The following SLC35A5 variants were observed in gnomAD, a reference collection of about 807,000 sequenced individuals.
The protein encoded by SLC35A5 is UDP-sugar transporter protein SLC35A5.
SLC35A5 carries 28 observed loss-of-function variants against 36.3 expected under a neutral mutation model. The observed-to-expected ratio is 0.77, with a 90% confidence interval of 0.57 to 1.06. The LOEUF is 1.06. Among genes scored for constraint, SLC35A5 ranks in the 50% least tolerant of loss-of-function variants. SLC35A5 has a pLI of 0.00. For missense variants in SLC35A5, 521 were observed against 499.3 expected (o/e 1.04, Z -0.41); for synonymous variants, 180 against 173.7 (o/e 1.04, Z -0.29).
chr3:112,585,473 A>T lies in SLC35A5; in HGVS notation c.*2737A>T, dbSNP rs1256513086. On this transcript the variant is annotated 3_prime_UTR_variant, in exon 7 of 7. Coordinates refer to ENST00000492406, the MANE Select transcript of SLC35A5 (RefSeq NM_017945.5). ...TGTTCACTGTTTGAGTGATGGGTCC[A>T]CTAGAAGCCCAAACTTCACCATTAT... is the stretch of plus-strand genomic sequence containing the variant. 2 of 152,178 alleles carry T rather than the reference A, an allele frequency of 1.3e-5. No homozygotes were observed. Among genetic ancestry groups the T allele is most frequent in the East Asian group, 3.9e-4 (2 of 5,194 alleles). The allele number at this position is 152,178 out of a possible 1,614,324, so 9.4% of individuals were successfully genotyped here.
Position 112,580,993 on chromosome 3 carries a change from G to A in SLC35A5, c.876G>A (p.Gln292=), listed in dbSNP as rs1004194174. The A allele has an allele frequency of 8.7e-6, 14 of 1,614,024 alleles. No individual in the cohort carries two copies. The highest frequency in any genetic ancestry group is 1.2e-5 in the Non-Finnish European group (14 of 1,179,996). The part of the protein sequence containing the change: ...TLGLQRSNRD[Q]IKNCGFFYGH... ...GCCTTCAGAGGAGTAACCGTGATCA[G>A]ATTAAGAACTGTGGATTTTTTTATG... The change falls in exon 6 of 7, where the codon CAG becomes CAA. Residue 292 remains glutamine, a synonymous_variant. Transcript: ENST00000492406.
In SLC35A5 at chr3:112,569,488, T is replaced by C. The variant is rs112729622; in HGVS notation, c.229+219T>C. 5.3e-3 allele frequency among the ~76,000 whole-genome samples: 813 copies of C among 152,374 alleles called. 10 individuals carry two copies. The highest frequency in any genetic ancestry group is 0.019 in the African/African-American group (793 of 41,596). On this transcript the variant is annotated intron_variant, in intron 3 of 6. Transcript: ENST00000492406. ...GGGGAGGAGCTGGGACACCAACTCA[T>C]GTTTCCTAATGCCCTTCCTATTACT...
At chr3:112,567,746 ATGT>A (rs1481236358) in intron 2 of SLC35A5, among the ~76,000 whole-genome samples, 4 of 152,232 alleles carry the variant, frequency 2.6e-5, no homozygotes, top group African/African-American at 9.6e-5. Flanking sequence ...ATCACATACC[ATGT>A]TGTCATATGG....
rs921856226 is a variant in SLC35A5 at position 112,562,380 on chromosome 3, G to C, written c.-20+107G>C. The C allele has an allele frequency of 1.3e-5, 2 of 152,334 alleles. 1 individual carries two copies. The highest frequency in any genetic ancestry group is 4.1e-4 in the South Asian group (2 of 4,838). The allele number at this position is 152,334 out of a possible 1,614,324, so 9.4% of individuals were successfully genotyped here. ...GACTAGAAGGGTAGTCCCTGACTGTGAAGGGAAATCTGGCCCCCTCCTGTC... is the reference window on the plus strand; with the variant it reads ...GACTAGAAGGGTAGTCCCTGACTGTCAAGGGAAATCTGGCCCCCTCCTGTC... On this transcript the variant is annotated intron_variant, in intron 1 of 6. Transcript: ENST00000492406.
chr3:112,579,906 CAA>C (rs1197040881), intron 5 of SLC35A5, among the ~76,000 whole-genome samples: 1 of 152,202 alleles, frequency 6.6e-6, no homozygotes, highest in Non-Finnish European at 1.5e-5. Flanking sequence ...TTATTTCTCA[CAA>C]GTTTGTTGCT....
intron 4 of SLC35A5, among the ~76,000 whole-genome samples, chr3:112,573,427 C>T (rs1055900927): frequency 6.6e-6 from 1 of 152,132 alleles, no homozygotes; most frequent in Non-Finnish European, 1.5e-5. Context: ...TACTGCAGTT[C>T]AACCAGGAAA....
Position 112,583,381 on chromosome 3 carries a change from A to C in SLC35A5, c.*645A>C. On this transcript the variant is annotated 3_prime_UTR_variant, in exon 7 of 7. Transcript: ENST00000492406. The stretch of plus-strand genomic sequence containing the variant: ...TCATGGGAAATTGGATTTTTGTAAT[A>C]ATCTTTTGATGTTTTAAACATTGGT... 1 of 360,532 alleles carries C rather than the reference A, an allele frequency of 2.8e-6. No homozygotes were observed. Among genetic ancestry groups the C allele is most frequent in the Non-Finnish European group, 4.9e-6 (1 of 202,082 alleles). The allele number at this position is 360,532 out of a possible 1,614,324, so 22.3% of individuals were successfully genotyped here.
Position 112,580,995 on chromosome 3 carries a change from T to C in SLC35A5, c.878T>C (p.Ile293Thr), listed in dbSNP as rs369157029. Reference sequence around the variant, plus strand: ...CTTCAGAGGAGTAACCGTGATCAGATTAAGAACTGTGGATTTTTTTATGGC... The same window carrying C: ...CTTCAGAGGAGTAACCGTGATCAGACTAAGAACTGTGGATTTTTTTATGGC... ...LGLQRSNRDQ[I>T]KNCGFFYGHS... Residue 293 changes from isoleucine to threonine, a missense_variant, in exon 6 of 7, where the codon ATT becomes ACT. Physicochemically the swap from Ile to Thr is moderately conservative, Grantham distance 89. Transcript: ENST00000492406. The C allele has an allele frequency of 2.5e-6, 4 of 1,614,038 alleles. No homozygotes were observed. The African/African-American group carries it at 5.3e-5, about 22-fold the overall frequency.
intron 2 of SLC35A5, among the ~76,000 whole-genome samples, chr3:112,564,740 G>A (rs1484772375): frequency 6.6e-6 from 1 of 152,044 alleles, no homozygotes; most frequent in Non-Finnish European, 1.5e-5. Context: ...GGCAGAGGTC[G>A]CTGCGGCTTT....
chr3:112,571,766 T>C (rs1420527953), intron 4 of SLC35A5, among the ~76,000 whole-genome samples: 2 of 152,100 alleles, frequency 1.3e-5, no homozygotes, highest in African/African-American at 4.8e-5. Context: ...CTCAGTACCA[T>C]GAGAACAGTA....
chr3:112,574,378 TGAG>T (rs1403022388), intron 5 of SLC35A5, among the ~76,000 whole-genome samples: 1 of 149,740 alleles, frequency 6.7e-6, no homozygotes, highest in Admixed American at 6.6e-5. Context: ...CTATTTGAGA[TGAG>T]GACGTGATTT....
chr3:112,569,139 T>C (rs368071452), intron 2 of SLC35A5, 32 bp from the exon 3 acceptor site: 12 of 1,521,066 alleles, frequency 7.9e-6, no homozygotes, highest in African/African-American at 2.7e-5. Flanking sequence ...GAATAAAATA[T>C]ATAGTTAAAA....
At chr3:112,577,756 G>A (rs539680430) in intron 5 of SLC35A5, among the ~76,000 whole-genome samples, 1 of 152,314 alleles carries the variant, frequency 6.6e-6, no homozygotes, top group African/African-American at 2.4e-5. Flanking sequence ...TGAAACAGCA[G>A]AAGAACAAAG....
intron 5 of SLC35A5, among the ~76,000 whole-genome samples, chr3:112,577,525 A>G (rs1198491897): frequency 6.6e-6 from 1 of 152,212 alleles, no homozygotes; most frequent in East Asian, 1.9e-4. Flanking sequence ...ACCTAAGCAA[A>G]GTTGCACAAT....
At position 112,583,103 on chromosome 3, in the gene SLC35A5, A is replaced by G; in HGVS notation, c.*367A>G. The G allele has an allele frequency of 2.5e-6, 1 of 400,332 alleles. No individual in the cohort carries two copies. The allele number at this position is 400,332 out of a possible 1,614,324, so 24.8% of individuals were successfully genotyped here. On this transcript the variant is annotated 3_prime_UTR_variant, in exon 7 of 7. Transcript: ENST00000492406. Reference sequence around the variant, plus strand: ...ATCAATTTGCCAAATATTCACAATCATGTAGTTCTAGTTTACATGCCAAAG... The same window carrying G: ...ATCAATTTGCCAAATATTCACAATCGTGTAGTTCTAGTTTACATGCCAAAG...
chr3:112,563,811 T>C (rs970717112), intron 2 of SLC35A5, among the ~76,000 whole-genome samples: 1 of 152,248 alleles, frequency 6.6e-6, no homozygotes, highest in Non-Finnish European at 1.5e-5. Flanking sequence ...CAGGTGTTTC[T>C]GGACCTATAG....
chr3:112,563,588 C>T (rs1375628884), intron 2 of SLC35A5, 55 bp downstream of exon 2: 1 of 1,481,716 alleles, frequency 6.7e-7, no homozygotes, highest in Non-Finnish European at 9.1e-7. Context: ...ACACATCTCT[C>T]TCTTGCCTTT....
chr3:112,582,567 A>G lies in SLC35A5; in HGVS notation c.1210-104A>G, dbSNP rs559256198. ...TATTTAATTTGACCAGATTATATCT[A>G]TAGCTTAATGAGGTAAGACCAGTGA... is the stretch of plus-strand genomic sequence containing the variant. On this transcript the variant is annotated intron_variant, in intron 6 of 6. Transcript: ENST00000492406. 32 of 727,744 alleles carry G rather than the reference A, an allele frequency of 4.4e-5. No homozygotes were observed. The South Asian group carries it at 4.8e-4, about 11-fold the overall frequency. The allele number at this position is 727,744 out of a possible 1,614,324, so 45.1% of individuals were successfully genotyped here. A position where few individuals can be genotyped will look rare whatever the true frequency, so the allele number is the denominator to read the frequency against.
intron 2 of SLC35A5, among the ~76,000 whole-genome samples, chr3:112,567,627 A>G (rs955500395): frequency 6.6e-6 from 1 of 152,218 alleles, no homozygotes; most frequent in Admixed American, 6.5e-5. Context: ...TTTAAAGGGG[A>G]CATTGGATTA....
Sources: allele counts gnomAD v4.1 joint callset (sites outside exome capture counted in the v4.1 genomes callset), GRCh38; gene constraint gnomAD v4.1.1; transcripts MANE v1.5; gene names NCBI Gene and HGNC (gene_info 2026-07-23, HGNC 2026-07-21).